SRGAP3: variants seen among roughly 807,000 people sequenced by gnomAD.
SRGAP3 encodes SLIT-ROBO Rho GTPase activating protein 3, also known as SLIT-ROBO Rho GTPase-activating protein 3.
In SRGAP3, 39 loss-of-function variants were observed where a neutral mutation model predicts 121.1. The observed-to-expected ratio is 0.32, with a 90% confidence interval of 0.25 to 0.42. SRGAP3 has a LOEUF of 0.42. Ranked by LOEUF, SRGAP3 falls within the 10% of genes least tolerant of loss-of-function variation. The probability of loss-of-function intolerance (pLI) is 1.00; values close to 1 mark genes in which losing one functional copy is unlikely to be tolerated. For synonymous variants in SRGAP3, 601 were observed against 570.0 expected, an observed-to-expected ratio of 1.05 and a Z score of -0.77; for missense variants, 1,213 against 1,470.6, an observed-to-expected ratio of 0.82 and a Z score of 2.86.
intron 7 of SRGAP3, among the ~76,000 whole-genome samples, 170 bp from the exon 8 acceptor site, chr3:9,056,504 A>G (rs1316142336): frequency 6.6e-6 from 1 of 152,216 alleles, no homozygotes; most frequent in Non-Finnish European, 1.5e-5. Flanking sequence ...GTGGCAACCA[A>G]TGCCAGATGA....
At chr3:9,025,214 C>T (rs771866440) in intron 14 of SRGAP3, 47 bp downstream of exon 14, 3 of 1,600,440 alleles carry the variant, frequency 1.9e-6, no homozygotes, top group East Asian at 4.5e-5. Context: ...GAATATTCAC[C>T]CTGGCTTCCC....
intron 18 of SRGAP3, among the ~76,000 whole-genome samples, chr3:8,996,992 A>AG (rs760080225): frequency 2.2e-4 from 33 of 152,302 alleles, no homozygotes; most frequent in Non-Finnish European, 4.4e-4. Context: ...GTGGGGCAGC[A>AG]GGGGGAGCAG....
intron 18 of SRGAP3, among the ~76,000 whole-genome samples, chr3:9,004,856 C>T (rs567736995): frequency 2.6e-5 from 4 of 152,152 alleles, no homozygotes; most frequent in Non-Finnish European, 5.9e-5. Context: ...AACTTGGATT[C>T]GGCAAAGGCC....
chr3:9,235,882 G>A (rs1278125309), intron 1 of SRGAP3: 2 of 152,368 alleles, frequency 1.3e-5, no homozygotes, highest in African/African-American at 4.8e-5. Flanking sequence ...CATTTAATGT[G>A]AATGCATTTA....
rs188202140 is a variant in SRGAP3 at position 9,148,061 on chromosome 3, C to A, written c.68-23144G>T. ...CTCCAAAGCCAGTGAGAGAAATACC[C>A]ACGGATCCAGTTTAGCTTAAGTGTC... On this transcript the variant is annotated intron_variant, in intron 1 of 21. Transcript: ENST00000383836. Among the ~76,000 whole-genome samples, 164 of 152,310 alleles carry A rather than the reference C, an allele frequency of 1.1e-3. 1 individual carries two copies. Among genetic ancestry groups the A allele is most frequent in the East Asian group, 8.1e-3 (42 of 5,186 alleles).
At position 9,124,759 on chromosome 3, in the gene SRGAP3, A is replaced by G. The variant is rs1176615233; in HGVS notation, c.226T>C (p.Ser76Pro). 6.2e-7 allele frequency: 1 copy of G among 1,614,130 alleles called. No homozygotes were observed. The highest frequency in any genetic ancestry group is 1.7e-5 in the Admixed American group (1 of 60,022). The change falls in exon 2 of 22, where the codon TCC becomes CCC. Residue 76 changes from serine to proline, a missense_variant. Coordinates refer to ENST00000383836, the MANE Select transcript of SRGAP3 (RefSeq NM_014850.4). ...TGCTCCCGGGAGCTGCGGATTTTGG[A>G]GGAGAAGCGCTCAGCCAGCTTCTCC... ...SLEKLAERFS[S>P]KIRSSREHQF... is the part of the protein sequence containing the mutation.
intron 4 of SRGAP3, among the ~76,000 whole-genome samples, chr3:9,077,501 G>A (rs1051328088): frequency 6.6e-5 from 10 of 152,140 alleles, no homozygotes; most frequent in Non-Finnish European, 2.9e-5. Context: ...CTTCACAAGG[G>A]GTGTGCTGGC....
At chr3:9,268,318 CTCTCTT>C (rs1444576162) in intron 3 of SRGAP3, among the ~76,000 whole-genome samples, 2 of 151,506 alleles carry the variant, frequency 1.3e-5, no homozygotes, top group East Asian at 1.9e-4. Flanking sequence ...CTCTCTCTCT[CTCTCTT>C]TCTCTCTCTC....
At chr3:9,097,256 T>A (rs1285910228) in intron 3 of SRGAP3, among the ~76,000 whole-genome samples, 1 of 151,902 alleles carries the variant, frequency 6.6e-6, no homozygotes, top group Non-Finnish European at 1.5e-5. Flanking sequence ...CTCCCAAAGC[T>A]CTGGGGTTAC....
intron 10 of SRGAP3, among the ~76,000 whole-genome samples, chr3:9,046,323 AG>A (rs113664675): frequency 3.3e-4 from 51 of 152,316 alleles, no homozygotes; most frequent in African/African-American, 1.2e-3. Flanking sequence ...GGAATTTTTG[AG>A]GGTGACTGAA....
At chr3:9,082,546 G>A (rs963854369) in intron 3 of SRGAP3, among the ~76,000 whole-genome samples, 10 of 152,186 alleles carry the variant, frequency 6.6e-5, no homozygotes, top group African/African-American at 1.4e-4. Context: ...CCCAGTCTAC[G>A]GTATTTTGTT....
At chr3:8,994,780 C>T (rs1185969417) in intron 18 of SRGAP3, among the ~76,000 whole-genome samples, 1 of 152,228 alleles carries the variant, frequency 6.6e-6, no homozygotes, top group Non-Finnish European at 1.5e-5. Flanking sequence ...TTTTCCACTG[C>T]CCTTCTTGTT....
At chr3:9,150,338 A>G (rs1166217759) in intron 1 of SRGAP3, among the ~76,000 whole-genome samples, 1 of 151,974 alleles carries the variant, frequency 6.6e-6, no homozygotes, top group Non-Finnish European at 1.5e-5. Flanking sequence ...GCCCAGAAGT[A>G]AGAAGGTGGG....
At chr3:9,202,078 G>A (rs1359991854) in intron 1 of SRGAP3, among the ~76,000 whole-genome samples, 3 of 151,438 alleles carry the variant, frequency 2.0e-5, no homozygotes, top group African/African-American at 4.9e-5. Flanking sequence ...GAAGGGAGGC[G>A]GGGGAAGGGT....
chr3:9,119,041 G>A (rs1452984341), intron 2 of SRGAP3, among the ~76,000 whole-genome samples: 3 of 152,246 alleles, frequency 2.0e-5, no homozygotes, highest in Middle Eastern at 3.4e-3. Flanking sequence ...GAGGTGCTAG[G>A]GACCCCGGGT....
chr3:9,150,200 T>C (rs1450043572), intron 1 of SRGAP3, among the ~76,000 whole-genome samples: 1 of 151,360 alleles, frequency 6.6e-6, no homozygotes, highest in Non-Finnish European at 1.5e-5. Context: ...TCAGCTGAAA[T>C]CTAAAGGCTG....
At chr3:9,110,169 G>A (rs979293790) in intron 2 of SRGAP3, among the ~76,000 whole-genome samples, 2 of 152,216 alleles carry the variant, frequency 1.3e-5, no homozygotes, top group African/African-American at 4.8e-5. Flanking sequence ...AGATTGACGG[G>A]ATGGAGTTAG....
chr3:9,019,957 A>C (rs1163357079), intron 14 of SRGAP3, among the ~76,000 whole-genome samples: 6 of 152,254 alleles, frequency 3.9e-5, no homozygotes, highest in Non-Finnish European at 2.9e-5. Context: ...TAAACACACC[A>C]AAAAAATCAC....
At chr3:9,300,617 G>A (rs532988536) in intron 3 of SRGAP3, among the ~76,000 whole-genome samples, 9 of 152,318 alleles carry the variant, frequency 5.9e-5, no homozygotes, top group Admixed American at 1.3e-4. Context: ...CTTAAGATGT[G>A]TTCCAGGAAG....
Sources: allele counts gnomAD v4.1 joint callset (sites outside exome capture counted in the v4.1 genomes callset), GRCh38; gene constraint gnomAD v4.1.1; transcripts MANE v1.5; gene names NCBI Gene and HGNC (gene_info 2026-07-23, HGNC 2026-07-21).